PRELID2: variants seen among roughly 807,000 people sequenced by gnomAD.
PRELID2 encodes the protein PRELI domain-containing protein 2.
PRELID2 carries 25 observed loss-of-function variants against 28.4 expected under a neutral mutation model. The ratio of observed to expected loss-of-function variants is 0.88; its 90% CI spans 0.64 to 1.23. The LOEUF (loss-of-function observed/expected upper bound fraction) is 1.23. PRELID2 is among the 50% of genes most tolerant of loss of function. PRELID2 has a pLI of 0.00. For missense variants in PRELID2, 201 were observed against 214.4 expected (o/e 0.94, Z 0.39); for synonymous variants, 76 against 71.6 (o/e 1.06, Z -0.31).
the PRELID2 span, among the ~76,000 whole-genome samples, chr5:145,330,971 G>T: frequency 6.6e-6 from 1 of 152,102 alleles, no homozygotes; most frequent in Admixed American, 6.6e-5. Context: ...CTGGTATGTT[G>T]TGATTTTGTT....
the PRELID2 span, among the ~76,000 whole-genome samples, chr5:145,461,885 C>T: frequency 7.9e-5 from 12 of 152,134 alleles, no homozygotes; most frequent in Non-Finnish European, 1.5e-4. Flanking sequence ...GGATATATGA[C>T]GAGGTTCAAC....
intron 1 of PRELID2, among the ~76,000 whole-genome samples, chr5:145,537,051 A>T (rs1203416294): frequency 3.3e-5 from 5 of 151,956 alleles, no homozygotes; most frequent in Non-Finnish European, 5.9e-5. Flanking sequence ...AAGTTTAAAA[A>T]TTTTAAATCA....
chr5:145,552,639 CT>C (rs1752845810), intron 1 of PRELID2, among the ~76,000 whole-genome samples: 1 of 151,992 alleles, frequency 6.6e-6, no homozygotes, highest in South Asian at 2.1e-4. Context: ...AGAAAAACAT[CT>C]TATCCTTACA....
At chr5:145,244,047 A>T in the PRELID2 span, among the ~76,000 whole-genome samples, 1 of 151,974 alleles carries the variant, frequency 6.6e-6, no homozygotes, top group Non-Finnish European at 1.5e-5. Context: ...TTGCCTCCCC[A>T]GTCTCAAGCA....
At chr5:145,705,500 A>G (rs931622282) in intron 1 of PRELID2, among the ~76,000 whole-genome samples, 1 of 152,094 alleles carries the variant, frequency 6.6e-6, no homozygotes, top group African/African-American at 2.4e-5. Flanking sequence ...CTGCCCAGCT[A>G]AAAGTACCAT....
chr5:145,810,198 T>C (rs991669380), intron 4 of PRELID2, among the ~76,000 whole-genome samples: 3 of 152,234 alleles, frequency 2.0e-5, no homozygotes, highest in African/African-American at 4.8e-5. Context: ...CCACAAAAGC[T>C]GACTTTAATT....
the PRELID2 span, among the ~76,000 whole-genome samples, chr5:145,419,269 G>C: frequency 7.2e-6 from 1 of 138,752 alleles, no homozygotes; most frequent in African/African-American, 2.6e-5. Flanking sequence ...TGGGTCAAAT[G>C]GTATTTCCAG....
At chr5:145,427,086 C>G in the PRELID2 span, among the ~76,000 whole-genome samples, 2 of 152,350 alleles carry the variant, frequency 1.3e-5, no homozygotes, top group South Asian at 4.1e-4. Context: ...CCCATAGACT[C>G]TTTCAAGCTA....
intron 1 of PRELID2, among the ~76,000 whole-genome samples, chr5:145,709,858 G>A (rs1325341113): frequency 2.0e-5 from 3 of 152,182 alleles, no homozygotes; most frequent in Non-Finnish European, 2.9e-5. Context: ...GATGAGATCG[G>A]AGGAATTGAA....
At chr5:145,608,040 GTTT>G (rs112958431) in intron 1 of PRELID2, among the ~76,000 whole-genome samples, 2 of 136,920 alleles carry the variant, frequency 1.5e-5, no homozygotes, top group Non-Finnish European at 3.2e-5. Context: ...TTTAAAGCCC[GTTT>G]TTTTTTTTTT....
At chr5:145,574,980 G>A (rs1333961182) in intron 1 of PRELID2, among the ~76,000 whole-genome samples, 1 of 152,124 alleles carries the variant, frequency 6.6e-6, no homozygotes, top group Non-Finnish European at 1.5e-5. Context: ...CATGAAAGTG[G>A]AACCCATGGA....
chr5:145,574,855 T>C (rs891378334), intron 1 of PRELID2, among the ~76,000 whole-genome samples: 2 of 152,208 alleles, frequency 1.3e-5, no homozygotes. Context: ...GCTATGTAAG[T>C]AGCTGTCATA....
intron 1 of PRELID2, among the ~76,000 whole-genome samples, chr5:145,826,854 A>AG (rs1381392243): frequency 6.8e-6 from 1 of 147,492 alleles, no homozygotes; most frequent in African/African-American, 2.5e-5. Flanking sequence ...ATATTTGCCG[A>AG]GGGAAAAAAA....
chr5:145,538,942 A>G (rs755773587), intron 1 of PRELID2, among the ~76,000 whole-genome samples: 1 of 151,986 alleles, frequency 6.6e-6, no homozygotes, highest in Non-Finnish European at 1.5e-5. Flanking sequence ...GCCTCACTGC[A>G]TAACTCAGAA....
intron 1 of PRELID2, among the ~76,000 whole-genome samples, chr5:145,600,443 A>T (rs997177162): frequency 2.8e-5 from 4 of 144,542 alleles, no homozygotes; most frequent in African/African-American, 1.1e-4. Flanking sequence ...AAATATATAT[A>T]TATATATATA....
chr5:145,727,208 G>A (rs1756194672), intron 1 of PRELID2, among the ~76,000 whole-genome samples: 1 of 152,190 alleles, frequency 6.6e-6, no homozygotes. Context: ...CTAGGAGACT[G>A]GGAGGGCTAG....
chr5:145,243,229 G>C, the PRELID2 span, among the ~76,000 whole-genome samples: 1 of 152,012 alleles, frequency 6.6e-6, no homozygotes. Context: ...AAAAGAGTTG[G>C]AAATGCCTTT....
chr5:145,724,963 A>G (rs1756101761), intron 1 of PRELID2, among the ~76,000 whole-genome samples: 1 of 151,592 alleles, frequency 6.6e-6, no homozygotes, highest in Non-Finnish European at 1.5e-5. Context: ...GGCTGGTCTC[A>G]TACTCCTGGA....
At chr5:145,460,478 T>A in the PRELID2 span, among the ~76,000 whole-genome samples, 24 of 152,312 alleles carry the variant, frequency 1.6e-4, no homozygotes, top group East Asian at 2.5e-3. Context: ...TGGCTTCACT[T>A]GCTGACTTTC....
Sources: gnomAD v4.1 joint callset for allele counts (sites outside exome capture counted in the v4.1 genomes callset) on GRCh38, gnomAD v4.1.1 for gene constraint, MANE v1.5 for transcripts, NCBI Gene and HGNC (gene_info 2026-07-23, HGNC 2026-07-21) for gene names.